Variants in CA10 observed in about 807,000 individuals in gnomAD.
CA10 encodes carbonic anhydrase 10 (inactive), also known as carbonic anhydrase-related protein 10.
In CA10, 14 loss-of-function variants were observed where a neutral mutation model predicts 44.2. The observed-to-expected ratio is 0.32, with a 90% confidence interval of 0.21 to 0.50. CA10 has a LOEUF of 0.50. CA10 is among the 20% of genes least tolerant of loss of function. CA10 has a pLI of 0.99. For synonymous variants in CA10, 159 were observed against 141.6 expected (o/e 1.12, Z -0.87); for missense variants, 350 against 409.7 (o/e 0.85, Z 1.26).
chr17:51,916,535 G>GTTT (rs1555611272), intron 3 of CA10, among the ~76,000 whole-genome samples: 1 of 152,098 alleles, frequency 6.6e-6, no homozygotes, highest in Non-Finnish European at 1.5e-5. Context: ...ATAAAAGGGA[G>GTTT]TTTCCCTGCA....
At chr17:51,735,014 A>G (rs2143572044) in intron 4 of CA10, among the ~76,000 whole-genome samples, 1 of 152,246 alleles carries the variant, frequency 6.6e-6, no homozygotes. Context: ...ATGCCTTGAC[A>G]CTGATAAGAA....
At chr17:51,805,414 C>T (rs1341395784) in intron 3 of CA10, among the ~76,000 whole-genome samples, 3 of 152,140 alleles carry the variant, frequency 2.0e-5, no homozygotes, top group Non-Finnish European at 4.4e-5. Flanking sequence ...AATTACAGTG[C>T]TGTGAAGGCA....
chr17:51,924,145 G>A (rs1809387678), intron 3 of CA10, among the ~76,000 whole-genome samples: 1 of 152,148 alleles, frequency 6.6e-6, no homozygotes, highest in South Asian at 2.1e-4. Context: ...GAGATCAAGA[G>A]GAATTTAAGA....
chr17:52,022,857 A>T (rs1986186253), intron 2 of CA10, among the ~76,000 whole-genome samples: 1 of 152,084 alleles, frequency 6.6e-6, no homozygotes, highest in East Asian at 1.9e-4. Flanking sequence ...TCCTATTTAC[A>T]ATAGCAACAA....
chr17:51,738,371 A>T (rs1429810511), intron 4 of CA10, among the ~76,000 whole-genome samples: 2 of 152,118 alleles, frequency 1.3e-5, no homozygotes, highest in African/African-American at 4.8e-5. Flanking sequence ...CTTATATTTA[A>T]TATTACTGAA....
intron 3 of CA10, among the ~76,000 whole-genome samples, chr17:51,867,734 T>G (rs1323097308): frequency 6.6e-6 from 1 of 152,214 alleles, no homozygotes. Context: ...ATGAGGTGCA[T>G]GTCTGTAATT....
intron 4 of CA10, among the ~76,000 whole-genome samples, chr17:51,655,060 T>G (rs1311590762): frequency 6.6e-6 from 1 of 152,158 alleles, no homozygotes; most frequent in Non-Finnish European, 1.5e-5. Context: ...CCACAGTAAC[T>G]GTTAAAAAAA....
At chr17:51,655,946 C>T (rs76952995) in intron 4 of CA10, among the ~76,000 whole-genome samples, 5,119 of 152,312 alleles carry the variant, frequency 0.034, 275 homozygotes, top group African/African-American at 0.12. Flanking sequence ...TCTGCCTCCG[C>T]AGGACTTTTA....
chr17:52,105,350 G>T (rs1988637280), intron 1 of CA10, among the ~76,000 whole-genome samples: 1 of 152,084 alleles, frequency 6.6e-6, no homozygotes, highest in Admixed American at 6.6e-5. Context: ...CGCCTCCCGG[G>T]TTCACACAAT....
chr17:51,682,327 G>A (rs572482126), intron 4 of CA10, among the ~76,000 whole-genome samples: 5 of 152,312 alleles, frequency 3.3e-5, no homozygotes, highest in African/African-American at 1.2e-4. Flanking sequence ...GGCACAAGCT[G>A]AAACCGCTGG....
At chr17:52,115,010 G>C (rs1988862565) in intron 1 of CA10, among the ~76,000 whole-genome samples, 1 of 152,192 alleles carries the variant, frequency 6.6e-6, no homozygotes, top group Admixed American at 6.5e-5. Context: ...TGCCCCACAA[G>C]TGTTTACACC....
At chr17:51,960,677 C>A (rs1298572692) in intron 2 of CA10, among the ~76,000 whole-genome samples, 1 of 151,994 alleles carries the variant, frequency 6.6e-6, no homozygotes, top group African/African-American at 2.4e-5. Flanking sequence ...AAATAAAGAC[C>A]ATCTGATCAT....
At chr17:51,662,815 G>A (rs1020596993) in intron 4 of CA10, among the ~76,000 whole-genome samples, 3 of 152,102 alleles carry the variant, frequency 2.0e-5, no homozygotes, top group African/African-American at 7.2e-5. Flanking sequence ...ATGTGGTCTG[G>A]CTATCATACC....
At chr17:51,817,890 G>T (rs1372426768) in intron 3 of CA10, among the ~76,000 whole-genome samples, 1 of 152,194 alleles carries the variant, frequency 6.6e-6, no homozygotes, top group Non-Finnish European at 1.5e-5. Context: ...CAAAGAATTT[G>T]CCCACCGTGG....
intron 3 of CA10, among the ~76,000 whole-genome samples, chr17:51,778,473 C>G (rs1157761742): frequency 6.6e-6 from 1 of 152,128 alleles, no homozygotes; most frequent in East Asian, 1.9e-4. Context: ...GATAAGGCCA[C>G]CGAATAGGTG....
chr17:51,688,035 G>A lies in CA10; in HGVS notation c.466-34299C>T, dbSNP rs943987050. Among the ~76,000 whole-genome samples the A allele has an allele frequency of 9.2e-5, 14 of 152,246 alleles. No homozygotes were observed. In the East Asian group the frequency reaches 2.1e-3, roughly 23 times the overall value. On this transcript the variant is annotated intron_variant, in intron 4 of 8. Coordinates refer to ENST00000451037, the MANE Select transcript of CA10 (RefSeq NM_020178.5). The stretch of plus-strand genomic sequence containing the variant: ...TAAAACACCACAGCTTCCTTCTTAT[G>A]CTCCCTTGGATCACCTGCTTTGGGG...
At chr17:51,936,345 G>A (rs1982863776) in intron 2 of CA10, among the ~76,000 whole-genome samples, 4 of 152,126 alleles carry the variant, frequency 2.6e-5, no homozygotes, top group Admixed American at 2.0e-4. Flanking sequence ...ATGTTGTAGA[G>A]ACAAGACGGT....
intron 2 of CA10, among the ~76,000 whole-genome samples, chr17:51,995,424 T>A (rs1000635276): frequency 6.6e-5 from 10 of 152,024 alleles, no homozygotes; most frequent in South Asian, 2.1e-4. Context: ...TAGCATTTTT[T>A]AAAAAAATAT....
At chr17:51,704,877 C>T (rs778459721) in intron 4 of CA10, among the ~76,000 whole-genome samples, 6 of 151,124 alleles carry the variant, frequency 4.0e-5, no homozygotes, top group East Asian at 2.0e-4. Context: ...GCAGGAGAAT[C>T]GCTTGAAGCT....
Sources: allele counts gnomAD v4.1 joint callset (sites outside exome capture counted in the v4.1 genomes callset), GRCh38; gene constraint gnomAD v4.1.1; transcripts MANE v1.5; gene names NCBI Gene and HGNC (gene_info 2026-07-23, HGNC 2026-07-21).